HFM1: variants seen among roughly 807,000 people sequenced by gnomAD.
HFM1 encodes helicase for meiosis 1, also known as probable ATP-dependent DNA helicase HFM1.
Under a neutral mutation model 192.1 loss-of-function variants are expected in HFM1, and 169 were observed. That is an observed-to-expected ratio of 0.88 (90% CI 0.78 to 1.00). The LOEUF (loss-of-function observed/expected upper bound fraction) is 1.00, where lower values mean the gene tolerates loss of function less well. Ranked by LOEUF, HFM1 falls within the 50% of genes least tolerant of loss-of-function variation. The pLI is 0.00. For synonymous variants in HFM1, 525 were observed against 537.8 expected (o/e 0.98, Z 0.33); for missense variants, 1,661 against 1,668.0 (o/e 1.00, Z 0.07).
chr1:91,377,356 A>G (rs1164155645), intron 11 of HFM1: 1 of 151,994 alleles, frequency 6.6e-6, no homozygotes, highest in Non-Finnish European at 1.5e-5. Flanking sequence ...CTATTTGTGA[A>G]AACAATTTCT....
intron 30 of HFM1, among the ~76,000 whole-genome samples, chr1:91,305,634 CAT>C (rs1264401863): frequency 1.3e-5 from 2 of 151,534 alleles, no homozygotes; most frequent in African/African-American, 2.4e-5. Context: ...GTGGTGTAAT[CAT>C]AGCTCACTGT....
intron 2 of HFM1, among the ~76,000 whole-genome samples, chr1:91,397,391 T>C (rs1188236278): frequency 6.6e-6 from 1 of 152,202 alleles, no homozygotes; most frequent in Non-Finnish European, 1.5e-5. Flanking sequence ...GACTTGTTCT[T>C]CATTAGGACA....
intron 3 of HFM1, among the ~76,000 whole-genome samples, chr1:91,394,993 A>C (rs1186082218): frequency 6.6e-6 from 1 of 151,864 alleles, no homozygotes; most frequent in African/African-American, 2.4e-5. Flanking sequence ...TATCTACATT[A>C]TACACTATGC....
chr1:91,287,808 A>C (rs1184115731), intron 30 of HFM1, among the ~76,000 whole-genome samples: 1 of 151,932 alleles, frequency 6.6e-6, no homozygotes, highest in Non-Finnish European at 1.5e-5. Context: ...CAATACAGAG[A>C]AGTGCTTAAA....
At chr1:91,400,949 T>G in intron 2 of HFM1, 63 bp downstream of exon 2, 1 of 709,850 alleles carries the variant, frequency 1.4e-6, no homozygotes, top group Non-Finnish European at 2.3e-6. Flanking sequence ...AAGCTAAAAC[T>G]CACCCAAATT....
At chr1:91,399,636 A>AT (rs1664070257) in intron 2 of HFM1, among the ~76,000 whole-genome samples, 1 of 152,102 alleles carries the variant, frequency 6.6e-6, no homozygotes, top group Non-Finnish European at 1.5e-5. Flanking sequence ...TGAATGTCCT[A>AT]TCTCCATTCT....
At chr1:91,292,999 T>G (rs1668959887) in intron 30 of HFM1, among the ~76,000 whole-genome samples, 1 of 152,266 alleles carries the variant, frequency 6.6e-6, no homozygotes, top group Middle Eastern at 3.4e-3. Context: ...TGGCTAGCCA[T>G]ATGTAGAAAG....
chr1:91,330,178 T>C (rs1653601613), intron 20 of HFM1, among the ~76,000 whole-genome samples: 1 of 152,066 alleles, frequency 6.6e-6, no homozygotes. Context: ...GTTGAGACTT[T>C]GGGATAAGAC....
intron 13 of HFM1, among the ~76,000 whole-genome samples, chr1:91,368,426 G>C (rs1325903319): frequency 1.3e-5 from 2 of 152,180 alleles, no homozygotes; most frequent in African/African-American, 4.8e-5. Context: ...AACCAGAAGA[G>C]AGTGGGGGCA....
intron 25 of HFM1, among the ~76,000 whole-genome samples, chr1:91,318,749 T>C (rs1352761139): frequency 6.6e-6 from 1 of 152,174 alleles, no homozygotes; most frequent in Non-Finnish European, 1.5e-5. Context: ...AAACAAAATA[T>C]TCATCAAAAA....
At chr1:91,271,728 T>G (rs1411548141) in intron 34 of HFM1, among the ~76,000 whole-genome samples, 2 of 151,914 alleles carry the variant, frequency 1.3e-5, no homozygotes, top group African/African-American at 4.8e-5. Context: ...AATATATAGT[T>G]GAGGGGTGGG....
intron 30 of HFM1, among the ~76,000 whole-genome samples, chr1:91,289,741 T>A (rs1252598407): frequency 6.6e-6 from 1 of 152,036 alleles, no homozygotes; most frequent in East Asian, 1.9e-4. Context: ...CGCGCCTGCA[T>A]CCCAGGCACT....
chr1:91,378,521 AG>A, intron 9 of HFM1, 41 bp from the exon 10 acceptor site: 1 of 1,161,824 alleles, frequency 8.6e-7, no homozygotes. Flanking sequence ...TAATGTGATA[AG>A]GAATTATAAT....
intron 1 of HFM1, 97 bp downstream of exon 1, chr1:91,404,701 A>G (rs1216598450): frequency 2.6e-6 from 1 of 381,534 alleles, no homozygotes; most frequent in Non-Finnish European, 5.2e-6. Flanking sequence ...CTAGAGATCG[A>G]CCGCTGCCCG....
At chr1:91,261,560 G>C (rs1665158763) in intron 38 of HFM1, 1 of 348,236 alleles carries the variant, frequency 2.9e-6, no homozygotes, top group Admixed American at 4.7e-5. Flanking sequence ...GCAAATGGTA[G>C]GAACTGTAAA....
rs1294689357 is a variant in HFM1, at chr1:91,265,952, T to C, written c.3974+65A>G. The C allele has an allele frequency of 1.9e-6, 3 of 1,559,218 alleles. No individual in the cohort carries two copies. The African/African-American group carries it at 4.3e-5, about 22-fold the overall frequency. On this transcript the variant is annotated intron_variant, in intron 36 of 38. Coordinates refer to ENST00000370425, the MANE Select transcript of HFM1 (RefSeq NM_001017975.6). ...GTGACATCTAATAACTTGATCCCCA[T>C]CTCCAACTATGTGTCAAGGGGATAT...
At position 91,313,359 on chromosome 1, in the gene HFM1, T is replaced by A; in HGVS notation, c.3381A>T (p.Gly1127=). ...SKHSDISTIA[G]PNKGTTASKK... ...AATACAGCTATTTACCTTTATTAGGTCCTGCTATTGTAGATATGTCTGAAT... is the reference window on the plus strand; with the variant it reads ...AATACAGCTATTTACCTTTATTAGGACCTGCTATTGTAGATATGTCTGAAT... Residue 1127 remains glycine (G), a synonymous_variant, in exon 30 of 39, where the codon GGA becomes GGT. Coordinates refer to ENST00000370425, the MANE Select transcript of HFM1 (RefSeq NM_001017975.6). The A allele has an allele frequency of 6.4e-7, 1 of 1,566,830 alleles. No homozygotes were observed. Among genetic ancestry groups the A allele is most frequent in the Non-Finnish European group, 8.7e-7 (1 of 1,146,730 alleles).
At chr1:91,390,721 T>A (rs914228961) in intron 4 of HFM1, among the ~76,000 whole-genome samples, 2 of 152,054 alleles carry the variant, frequency 1.3e-5, no homozygotes, top group Non-Finnish European at 2.9e-5. Flanking sequence ...CTCTCACCAC[T>A]CCTATTCAAC....
intron 30 of HFM1, among the ~76,000 whole-genome samples, chr1:91,295,947 T>G (rs916843416): frequency 6.6e-6 from 1 of 152,190 alleles, no homozygotes; most frequent in South Asian, 2.1e-4. Context: ...TTCTTTTTTT[T>G]TGAGACGGAG....
Sources: allele counts gnomAD v4.1 joint callset (sites outside exome capture counted in the v4.1 genomes callset), GRCh38; gene constraint gnomAD v4.1.1; transcripts MANE v1.5; gene names NCBI Gene and HGNC (gene_info 2026-07-23, HGNC 2026-07-21).